The following PPP1R12B variants were observed in gnomAD, a reference collection of about 807,000 sequenced individuals.
The protein encoded by PPP1R12B is protein phosphatase 1 regulatory subunit 12B.
Under a neutral mutation model 126.1 loss-of-function variants are expected in PPP1R12B, and 76 were observed. That is an observed-to-expected ratio of 0.60 (90% CI 0.50 to 0.73). PPP1R12B has a LOEUF of 0.73. Ranked by LOEUF, PPP1R12B falls within the 30% of genes least tolerant of loss-of-function variation. The probability of loss-of-function intolerance (pLI) is 0.00; values close to 1 mark genes in which losing one functional copy is unlikely to be tolerated. For missense variants in PPP1R12B, 1,052 were observed against 1,205.1 expected, an observed-to-expected ratio of 0.87 and a Z score of 1.88; for synonymous variants, 356 against 434.7, an observed-to-expected ratio of 0.82 and a Z score of 2.25.
intron 7 of PPP1R12B, 23 bp downstream of exon 7, chr1:202,430,833 A>G (rs1381341588): frequency 8.7e-6 from 14 of 1,609,148 alleles, no homozygotes; most frequent in African/African-American, 5.4e-5. Context: ...GGCTTGAGTA[A>G]TGGGATGAGC....
At chr1:202,453,963 A>G (rs1673317071) in intron 13 of PPP1R12B, among the ~76,000 whole-genome samples, 1 of 152,170 alleles carries the variant, frequency 6.6e-6, no homozygotes, top group Non-Finnish European at 1.5e-5. Context: ...TAATAGCTCA[A>G]ATGTAATTTA....
At chr1:202,439,222 CGTT>C in intron 10 of PPP1R12B, 1 of 1,401,910 alleles carries the variant, frequency 7.1e-7, no homozygotes, top group Non-Finnish European at 1.0e-6. Flanking sequence ...CCTGCAGCCT[CGTT>C]GGAGCACCAT....
intron 1 of PPP1R12B, among the ~76,000 whole-genome samples, chr1:202,377,832 G>GTT (rs74860606): frequency 0.027 from 2,630 of 97,148 alleles, 688 homozygotes; most frequent in African/African-American, 0.063. Flanking sequence ...AAAGACAGGT[G>GTT]TTTTTTTTTT....
At position 202,584,420 on chromosome 1, in the gene PPP1R12B, A is replaced by G. The variant is rs1689704795; in HGVS notation, c.*3860A>G. The G allele has an allele frequency of 6.6e-6, 1 of 152,262 alleles. No individual in the cohort carries two copies. Among genetic ancestry groups the G allele is most frequent in the Non-Finnish European group, 1.5e-5 (1 of 68,050 alleles). 9.4% of individuals were successfully genotyped at this position (152,262 alleles called of 1,614,324 possible). A position where few individuals can be genotyped will look rare whatever the true frequency, so the allele number is the denominator to read the frequency against. Reference sequence around the variant, plus strand: ...AGCAAGGAAGCTAAAACTCAAGTTAATGGTCTGTGGATCCCACGAAAGTGT... The same window carrying G: ...AGCAAGGAAGCTAAAACTCAAGTTAGTGGTCTGTGGATCCCACGAAAGTGT... On this transcript the variant is annotated 3_prime_UTR_variant, in exon 24 of 24. Transcript: ENST00000608999.
chr1:202,407,631 G>T (rs983582320), intron 1 of PPP1R12B, among the ~76,000 whole-genome samples: 1 of 152,188 alleles, frequency 6.6e-6, no homozygotes. Context: ...CTGCTGTGAT[G>T]ATTTCCACTT....
chr1:202,382,938 T>G (rs1395823819), intron 1 of PPP1R12B, among the ~76,000 whole-genome samples: 1 of 152,084 alleles, frequency 6.6e-6, no homozygotes, highest in Non-Finnish European at 1.5e-5. Context: ...TTTGTAATAT[T>G]ATTATTTAAT....
chr1:202,436,975 C>T (rs1670909801), intron 9 of PPP1R12B, among the ~76,000 whole-genome samples: 1 of 151,784 alleles, frequency 6.6e-6, no homozygotes, highest in Non-Finnish European at 1.5e-5. Flanking sequence ...AGTGGAGTGG[C>T]GTCTAGAATT....
At chr1:202,412,050 A>G (rs1667466749) in intron 1 of PPP1R12B, among the ~76,000 whole-genome samples, 2 of 152,174 alleles carry the variant, frequency 1.3e-5, no homozygotes, top group Admixed American at 1.3e-4. Flanking sequence ...TATTTTCTGT[A>G]AGATGGTTCT....
chr1:202,453,881 G>A (rs1362106564), intron 13 of PPP1R12B, among the ~76,000 whole-genome samples: 1 of 151,882 alleles, frequency 6.6e-6, no homozygotes, highest in Admixed American at 6.6e-5. Context: ...GCCAATAACT[G>A]TCTTTTCAAA....
chr1:202,392,284 T>G (rs542769713), intron 1 of PPP1R12B, among the ~76,000 whole-genome samples: 1 of 152,282 alleles, frequency 6.6e-6, no homozygotes, highest in Non-Finnish European at 1.5e-5. Flanking sequence ...CAATGGAATA[T>G]TATTTAGCCA....
intron 18 of PPP1R12B, among the ~76,000 whole-genome samples, chr1:202,512,422 G>A (rs922103823): frequency 6.6e-6 from 1 of 152,102 alleles, no homozygotes; most frequent in Non-Finnish European, 1.5e-5. Context: ...AAAGCATAAA[G>A]AGCAGTCCCA....
At chr1:202,379,454 C>G (rs964559520) in intron 1 of PPP1R12B, among the ~76,000 whole-genome samples, 10 of 152,186 alleles carry the variant, frequency 6.6e-5, no homozygotes, top group Admixed American at 2.6e-4. Flanking sequence ...TTTGCTCCCT[C>G]CGTCCCCATC....
chr1:202,426,985 C>A, intron 4 of PPP1R12B, 55 bp from the exon 5 acceptor site: 1 of 1,574,286 alleles, frequency 6.4e-7, no homozygotes, highest in Non-Finnish European at 8.6e-7. Context: ...AGTGTATTTG[C>A]CAGAAAATTG....
At chr1:202,417,090 A>G (rs975707545) in intron 2 of PPP1R12B, among the ~76,000 whole-genome samples, 173 bp downstream of exon 2, 2 of 152,208 alleles carry the variant, frequency 1.3e-5, no homozygotes, top group African/African-American at 4.8e-5. Flanking sequence ...TGTTTTGTAA[A>G]GTTGCTAAAT....
chr1:202,400,650 T>G (rs1280978851), intron 1 of PPP1R12B, among the ~76,000 whole-genome samples: 2 of 152,228 alleles, frequency 1.3e-5, no homozygotes, highest in Non-Finnish European at 2.9e-5. Context: ...AAATGGTTTA[T>G]AATAGCTAAC....
At chr1:202,422,594 A>G in intron 2 of PPP1R12B, 26 bp from the exon 3 acceptor site, 1 of 1,605,478 alleles carries the variant, frequency 6.2e-7, no homozygotes, top group African/African-American at 1.3e-5. Flanking sequence ...GACAGATAAT[A>G]TTGATCCTGG....
intron 1 of PPP1R12B, among the ~76,000 whole-genome samples, chr1:202,379,149 G>A (rs768718155): frequency 6.6e-5 from 10 of 152,142 alleles, no homozygotes; most frequent in Non-Finnish European, 1.3e-4. Context: ...TGATGTAGAT[G>A]TCTTACAGGT....
chr1:202,405,674 T>C (rs533939967), intron 1 of PPP1R12B, among the ~76,000 whole-genome samples: 1 of 152,294 alleles, frequency 6.6e-6, no homozygotes, highest in Admixed American at 6.5e-5. Context: ...CAGAAATAAC[T>C]CGTCCCAAGA....
chr1:202,556,801 A>G (rs906841560), intron 18 of PPP1R12B, among the ~76,000 whole-genome samples: 1 of 152,188 alleles, frequency 6.6e-6, no homozygotes, highest in Non-Finnish European at 1.5e-5. Flanking sequence ...GGGCTGTTAA[A>G]TACAATAGAT....
Sources: allele counts gnomAD v4.1 joint callset (sites outside exome capture counted in the v4.1 genomes callset), GRCh38; gene constraint gnomAD v4.1.1; transcripts MANE v1.5; gene names NCBI Gene and HGNC (gene_info 2026-07-23, HGNC 2026-07-21).